PYM1: variants seen among roughly 807,000 people sequenced by gnomAD.
PYM1 encodes PYM1 exon junction complex associated factor.
A neutral mutation model predicts 20.7 loss-of-function variants in PYM1; 7 were observed. The observed-to-expected ratio is 0.34, with a 90% CI of 0.19 to 0.64. The LOEUF is 0.64. PYM1 is among the 30% of genes least tolerant of loss of function. The pLI is 0.74. For missense variants in PYM1, 194 were observed against 250.0 expected, an observed-to-expected ratio of 0.78 and a Z score of 1.51; for synonymous variants, 100 against 99.2, an observed-to-expected ratio of 1.01 and a Z score of -0.05.
At chr12:55,927,634 T>C in intron 1 of PYM1, 91 bp downstream of exon 1, 1 of 1,492,198 alleles carries the variant, frequency 6.7e-7, no homozygotes, top group Non-Finnish European at 9.0e-7. Context: ...GGAGGTCGAA[T>C]TCGTGTGCCG....
rs759555722 is a variant in PYM1, at chr12:55,901,899, C to G, written c.588G>C (p.Glu196Asp). Residue 196 changes from glutamate (E) to aspartate (D), a missense_variant, in exon 3 of 3, where the codon GAG becomes GAC. Physicochemically the swap from Glu to Asp is conservative, Grantham distance 45. This residue lies in a region of PYM1 where 158 missense variants were observed against 179.0 expected (regional missense o/e 0.88). Transcript: ENST00000408946. ...AGAGGCCTAACTCCAAGTCCTCTAACTCCTCTTCTAGCGCCCTCCTCCTTG... is the reference window on the plus strand; with the variant it reads ...AGAGGCCTAACTCCAAGTCCTCTAAGTCCTCTTCTAGCGCCCTCCTCCTTG... ...KLARRRALEE[E>D]LEDLELGL 24 of 1,612,372 alleles carry G rather than the reference C, an allele frequency of 1.5e-5. No homozygotes were observed. Among genetic ancestry groups the G allele is most frequent in the Non-Finnish European group, 2.0e-5 (23 of 1,179,482 alleles).
At chr12:55,927,021 C>G (rs961662404) in intron 1 of PYM1, 2 of 1,474,264 alleles carry the variant, frequency 1.4e-6, no homozygotes, top group Non-Finnish European at 1.8e-6. Context: ...TTTCCAAGTC[C>G]GAACCCCTGC....
At chr12:55,907,179 T>C (rs770431697) in intron 1 of PYM1, among the ~76,000 whole-genome samples, 1 of 151,804 alleles carries the variant, frequency 6.6e-6, no homozygotes, top group Non-Finnish European at 1.5e-5. Flanking sequence ...AAAAGATTTT[T>C]AAGGCCAGAT....
chr12:55,906,702 G>A (rs567700229), intron 1 of PYM1, among the ~76,000 whole-genome samples: 16 of 152,196 alleles, frequency 1.1e-4, no homozygotes, highest in Non-Finnish European at 2.4e-4. Flanking sequence ...AGGCTGGAGT[G>A]CAATGGTGCA....
intron 1 of PYM1, among the ~76,000 whole-genome samples, chr12:55,907,318 G>T (rs1269482042): frequency 1.3e-5 from 2 of 151,538 alleles, no homozygotes; most frequent in Non-Finnish European, 2.9e-5. Flanking sequence ...ACAAAAATTG[G>T]CAAGGCAAGG....
At position 55,901,493 on chromosome 12, in the gene PYM1, C is replaced by T. The variant is rs1312700933; in HGVS notation, c.*379G>A. The T allele has an allele frequency of 5.6e-6, 1 of 180,016 alleles. No individual in the cohort carries two copies. The highest frequency in any genetic ancestry group is 1.2e-5 in the Non-Finnish European group (1 of 85,170). The allele number at this position is 180,016 out of a possible 1,614,324, so 11.2% of individuals were successfully genotyped here. A position where few individuals can be genotyped will look rare whatever the true frequency, so the allele number is the denominator to read the frequency against. On this transcript the variant is annotated 3_prime_UTR_variant, in exon 3 of 3. Coordinates refer to ENST00000408946, the MANE Select transcript of PYM1 (RefSeq NM_032345.3). ...ATGAGGGATGGAGAGGGAAATAACC[C>T]ATAAACACCGCGAACAGGAACCAAG...
chr12:55,907,338 C>T (rs1345326257), intron 1 of PYM1, among the ~76,000 whole-genome samples: 2 of 151,334 alleles, frequency 1.3e-5, no homozygotes, highest in East Asian at 2.0e-4. Context: ...GTGGCTCACA[C>T]CTGTAATCCC....
At chr12:55,911,739 G>A (rs1882926745) in intron 1 of PYM1, among the ~76,000 whole-genome samples, 1 of 151,892 alleles carries the variant, frequency 6.6e-6, no homozygotes, top group African/African-American at 2.4e-5. Flanking sequence ...TACTCGGGAG[G>A]CTGAGGCAGG....
intron 1 of PYM1, among the ~76,000 whole-genome samples, chr12:55,908,168 G>A (rs1012159207): frequency 5.9e-5 from 9 of 151,648 alleles, no homozygotes; most frequent in Admixed American, 2.6e-4. Context: ...ACTTGAACCC[G>A]GGAGGTGGAG....
chr12:55,925,735 T>C (rs994854329), intron 1 of PYM1, among the ~76,000 whole-genome samples: 1 of 152,180 alleles, frequency 6.6e-6, no homozygotes, highest in Non-Finnish European at 1.5e-5. Context: ...CTCTTCCACA[T>C]AGTCACGGAA....
intron 1 of PYM1, among the ~76,000 whole-genome samples, chr12:55,908,284 A>G (rs1187893600): frequency 6.8e-6 from 1 of 146,912 alleles, no homozygotes; most frequent in African/African-American, 2.5e-5. Context: ...TAAAAAAATT[A>G]GCTGGGCATG....
chr12:55,927,182 C>T, intron 1 of PYM1: 1 of 1,548,440 alleles, frequency 6.5e-7, no homozygotes, highest in Non-Finnish European at 8.7e-7. Flanking sequence ...AGTGGAGTCC[C>T]GATCGTAGCA....
chr12:55,905,957 T>TA (rs1440861534), intron 1 of PYM1, among the ~76,000 whole-genome samples: 1 of 129,550 alleles, frequency 7.7e-6, no homozygotes, highest in Non-Finnish European at 1.5e-5. Flanking sequence ...TTATTATATA[T>TA]ATCTAATAGA....
chr12:55,927,389 T>G, intron 1 of PYM1: 1 of 716,044 alleles, frequency 1.4e-6, no homozygotes, highest in Non-Finnish European at 2.5e-6. Context: ...ACAGTCCCTC[T>G]CATCCCCAGG....
Position 55,901,578 on chromosome 12 carries a change from C to T in PYM1, c.*294G>A, listed in dbSNP as rs1044734944. ...GCCTCAGTTCTCCAAGAGATTCCCA[C>T]CCACCTGATTTTCTTTTAAACAAGA... On this transcript the variant is annotated 3_prime_UTR_variant, in exon 3 of 3. Transcript: ENST00000408946. 6.0e-6 allele frequency: 2 copies of T among 332,918 alleles called. No homozygotes were observed. Among genetic ancestry groups the T allele is most frequent in the African/African-American group, 4.2e-5 (2 of 48,104 alleles). The allele number at this position is 332,918 out of a possible 1,614,324, so 20.6% of individuals were successfully genotyped here.
intron 1 of PYM1, among the ~76,000 whole-genome samples, chr12:55,923,086 T>C (rs1258798521): frequency 6.6e-6 from 1 of 151,982 alleles, no homozygotes; most frequent in Non-Finnish European, 1.5e-5. Context: ...TAGCCGGGCA[T>C]GGTGGCACAT....
chr12:55,905,932 T>A (rs1229191083), intron 1 of PYM1, among the ~76,000 whole-genome samples: 2 of 118,508 alleles, frequency 1.7e-5, no homozygotes, highest in African/African-American at 7.2e-5. Context: ...TATATATATC[T>A]AATAGATATA....
chr12:55,913,689 A>G (rs1374162801), intron 1 of PYM1: 1 of 152,270 alleles, frequency 6.6e-6, no homozygotes, highest in Non-Finnish European at 1.5e-5. Flanking sequence ...AACAGGATCC[A>G]AAGACTTACC....
intron 1 of PYM1, among the ~76,000 whole-genome samples, chr12:55,920,136 A>G (rs1883073866): frequency 6.6e-6 from 1 of 151,888 alleles, no homozygotes; most frequent in Non-Finnish European, 1.5e-5. Context: ...CCAACAGTTA[A>G]GACTACAGCA....
Sources: allele counts gnomAD v4.1 joint callset (sites outside exome capture counted in the v4.1 genomes callset), GRCh38; gene constraint gnomAD v4.1.1; regional missense constraint gnomAD v4.1.1; transcripts MANE v1.5; gene names NCBI Gene and HGNC (gene_info 2026-07-23, HGNC 2026-07-21).